TAF1B: variants seen among roughly 807,000 people sequenced by gnomAD.
TAF1B encodes the protein TATA box-binding protein-associated factor RNA polymerase I subunit B.
TAF1B carries 61 observed loss-of-function variants against 83.9 expected under a neutral mutation model. The observed-to-expected ratio is 0.73, with a 90% CI of 0.59 to 0.90. The LOEUF (loss-of-function observed/expected upper bound fraction) is 0.90. Among genes scored for constraint, TAF1B ranks in the 40% least tolerant of loss-of-function variants. TAF1B has a pLI of 0.00. For missense variants in TAF1B, 625 were observed against 677.0 expected, an observed-to-expected ratio of 0.92 and a Z score of 0.85; for synonymous variants, 221 against 224.6, an observed-to-expected ratio of 0.98 and a Z score of 0.14.
Position 9,913,948 on chromosome 2 carries a change from G to A in TAF1B, c.1271+699G>A, listed in dbSNP as rs147609841. ...TCTCTGTATTTAATGTAAATTTACA[G>A]TAATACTAATTCGACTCAGTAATTT... On this transcript the variant is annotated intron_variant, in intron 12 of 14. Transcript: ENST00000263663. Among the ~76,000 whole-genome samples, 110 of 152,302 alleles carry A rather than the reference G, an allele frequency of 7.2e-4. 4 individuals carry two copies. The highest frequency in any genetic ancestry group is 2.5e-3 in the African/African-American group (105 of 41,556).
Position 9,919,706 on chromosome 2 carries a change from C to T in TAF1B, c.1451C>T (p.Thr484Ile), listed in dbSNP as rs768327203. The change falls in exon 14 of 15, where the codon ACT becomes ATT. Residue 484 changes from threonine to isoleucine, a missense_variant. Transcript: ENST00000263663. ...SFQFNWTEEDTDRTCFHGHSL... is the reference protein window; with the variant it reads ...SFQFNWTEEDIDRTCFHGHSL... ...CAGTTCAACTGGACTGAAGAGGACA[C>T]TGATAGAACGTGTTTCCATGGACAC... 5.0e-6 allele frequency: 8 copies of T among 1,614,048 alleles called. No homozygotes were observed. The African/African-American group carries it at 1.1e-4, about 22-fold the overall frequency.
chr2:9,873,895 C>A (rs1664245170), intron 6 of TAF1B, among the ~76,000 whole-genome samples: 1 of 152,102 alleles, frequency 6.6e-6, no homozygotes, highest in Admixed American at 6.6e-5. Context: ...CCTCCCGTAA[C>A]TCCATTCTTC....
At chr2:9,898,322 G>A (rs903514050) in intron 8 of TAF1B, among the ~76,000 whole-genome samples, 20 of 152,312 alleles carry the variant, frequency 1.3e-4, no homozygotes, top group Admixed American at 2.6e-4. Context: ...TCTTGCAAGT[G>A]ATTCTGATGG....
intron 8 of TAF1B, among the ~76,000 whole-genome samples, chr2:9,896,620 CAAAAAAAAAAA>C (rs71391108): frequency 1.5e-5 from 1 of 66,540 alleles, no homozygotes; most frequent in Non-Finnish European, 3.0e-5. Flanking sequence ...ATCTAAAAAC[CAAAAAAAAAAA>C]AAAAAAAAAA....
intron 5 of TAF1B, among the ~76,000 whole-genome samples, chr2:9,859,892 A>G (rs1036022950): frequency 4.6e-5 from 7 of 152,140 alleles, no homozygotes; most frequent in African/African-American, 1.7e-4. Context: ...TTTCCACACT[A>G]CTATGAAGAT....
At chr2:9,926,795 ACT>A (rs1666055123) in intron 14 of TAF1B, among the ~76,000 whole-genome samples, 2 of 119,230 alleles carry the variant, frequency 1.7e-5, no homozygotes, top group South Asian at 6.1e-4. Flanking sequence ...GCGGGGTGAG[ACT>A]CTGTCTCAAA....
At chr2:9,869,025 C>G (rs1217775076) in intron 6 of TAF1B, among the ~76,000 whole-genome samples, 1 of 152,200 alleles carries the variant, frequency 6.6e-6, no homozygotes, top group Non-Finnish European at 1.5e-5. Context: ...GTGTTAGGAT[C>G]ATTGACTAAT....
chr2:9,866,737 C>A (rs887732781), intron 5 of TAF1B, among the ~76,000 whole-genome samples: 1 of 152,166 alleles, frequency 6.6e-6, no homozygotes, highest in Non-Finnish European at 1.5e-5. Flanking sequence ...ACATACACAC[C>A]ATGGAATACT....
chr2:9,915,720 C>G (rs1301249606), intron 12 of TAF1B, among the ~76,000 whole-genome samples: 1 of 152,130 alleles, frequency 6.6e-6, no homozygotes, highest in Non-Finnish European at 1.5e-5. Context: ...ATTATGTTAT[C>G]CAGTGTTTTT....
In TAF1B at chr2:9,849,427, C is replaced by T; in HGVS notation, c.172C>T (p.Leu58Phe). ...TATTCCTAATACCCAAATAAAAGCC[C>T]TCAACCGGGGGCTTAAAAAAAAAAA... Reference protein sequence around the residue: ...DLIPNTQIKALNRGLKKKNNT... With the variant: ...DLIPNTQIKAFNRGLKKKNNT... The change falls in exon 3 of 15, where the codon CTC becomes TTC. Residue 58 changes from leucine (L) to phenylalanine (F), a missense_variant. Leu to Phe is a conservative substitution (Grantham distance 22, BLOSUM62 0). Transcript: ENST00000263663. 1 of 1,592,732 alleles carries T rather than the reference C, an allele frequency of 6.3e-7. No individual in the cohort carries two copies. Among genetic ancestry groups the T allele is most frequent in the Non-Finnish European group, 8.5e-7 (1 of 1,170,700 alleles).
intron 14 of TAF1B, among the ~76,000 whole-genome samples, chr2:9,929,814 C>T (rs1666158276): frequency 6.6e-6 from 1 of 152,126 alleles, no homozygotes; most frequent in South Asian, 2.1e-4. Flanking sequence ...CCGTCTGGTC[C>T]TGGACTTTTT....
At chr2:9,859,428 G>A (rs571749232) in intron 5 of TAF1B, among the ~76,000 whole-genome samples, 23 of 140,558 alleles carry the variant, frequency 1.6e-4, no homozygotes, top group Admixed American at 2.3e-4. Context: ...GCTTTGTTGC[G>A]CAGGCTGGAG....
intron 2 of TAF1B, among the ~76,000 whole-genome samples, chr2:9,847,712 G>T (rs1045395613): frequency 9.2e-5 from 14 of 152,118 alleles, no homozygotes; most frequent in African/African-American, 3.1e-4. Context: ...AGAGTTTCAC[G>T]GATATTTAAA....
intron 3 of TAF1B, among the ~76,000 whole-genome samples, 192 bp from the exon 4 acceptor site, chr2:9,851,349 A>T (rs941179699): frequency 6.6e-6 from 1 of 152,178 alleles, no homozygotes; most frequent in Non-Finnish European, 1.5e-5. Flanking sequence ...GTTGGAAACA[A>T]GAGAATATAA....
At chr2:9,893,657 C>T (rs72782660) in intron 8 of TAF1B, among the ~76,000 whole-genome samples, 11,224 of 152,098 alleles carry the variant, frequency 0.074, 508 homozygotes, top group Middle Eastern at 0.15. Context: ...CCACTGCACT[C>T]CAGCCTGGAC....
intron 8 of TAF1B, among the ~76,000 whole-genome samples, chr2:9,883,267 G>A (rs1383539140): frequency 1.3e-5 from 2 of 152,192 alleles, no homozygotes; most frequent in African/African-American, 2.4e-5. Flanking sequence ...TGTCTCCAAT[G>A]GAAGGGTTTC....
At chr2:9,867,315 A>G (rs1664016473) in intron 5 of TAF1B, among the ~76,000 whole-genome samples, 1 of 152,182 alleles carries the variant, frequency 6.6e-6, no homozygotes, top group African/African-American at 2.4e-5. Context: ...AGTATGTGGT[A>G]GAGTTGCTGG....
intron 14 of TAF1B, among the ~76,000 whole-genome samples, chr2:9,930,035 C>T: frequency 6.6e-6 from 1 of 152,000 alleles, no homozygotes; most frequent in East Asian, 1.9e-4. Flanking sequence ...GGTGATATCC[C>T]CTTTATCATT....
At chr2:9,859,000 G>A (rs1247277353) in intron 5 of TAF1B, among the ~76,000 whole-genome samples, 2 of 152,136 alleles carry the variant, frequency 1.3e-5, no homozygotes, top group African/African-American at 4.8e-5. Context: ...AATTTCTATA[G>A]CCGGCTTGAA....
Sources: gnomAD v4.1 joint callset for allele counts (sites outside exome capture counted in the v4.1 genomes callset) on GRCh38, gnomAD v4.1.1 for gene constraint, MANE v1.5 for transcripts, NCBI Gene and HGNC (gene_info 2026-07-23, HGNC 2026-07-21) for gene names.